Variants in LRRC7 observed in about 807,000 individuals in gnomAD.
LRRC7 encodes the protein leucine rich repeat containing 7.
LRRC7 carries 23 observed loss-of-function variants against 175.7 expected under a neutral mutation model. That is an observed-to-expected ratio of 0.13 (90% confidence interval 0.09 to 0.19). The LOEUF (loss-of-function observed/expected upper bound fraction) is 0.19, where lower values mean the gene tolerates loss of function less well. Among genes scored for constraint, LRRC7 ranks in the 10% least tolerant of loss-of-function variants. The probability of loss-of-function intolerance (pLI) is 1.00; values close to 1 mark genes in which losing one functional copy is unlikely to be tolerated. For missense variants in LRRC7, 1,354 were observed against 1,904.7 expected (o/e 0.71, Z 5.38); for synonymous variants, 685 against 680.9 (o/e 1.01, Z -0.09).
intron 7 of LRRC7, among the ~76,000 whole-genome samples, chr1:69,905,740 C>A (rs1270860362): frequency 6.6e-6 from 1 of 152,140 alleles, no homozygotes; most frequent in East Asian, 1.9e-4. Flanking sequence ...GTCTTTATAG[C>A]AGCATGGTTT....
rs1460052826 is a variant in LRRC7, at chr1:69,752,074, C to A, written c.101-8117C>A. Reference sequence around the variant, plus strand: ...AGTCTGGGAAGTCTTCAAATGTGATCATTTCAAGAGTCAAAATATCAAATA... The same window carrying A: ...AGTCTGGGAAGTCTTCAAATGTGATAATTTCAAGAGTCAAAATATCAAATA... On this transcript the variant is annotated intron_variant, in intron 2 of 26. Transcript: ENST00000651989. Among the ~76,000 whole-genome samples the A allele has an allele frequency of 3.3e-5, 5 of 152,194 alleles. No individual in the cohort carries two copies. The South Asian group carries it at 8.3e-4, about 25-fold the overall frequency.
intron 7 of LRRC7, among the ~76,000 whole-genome samples, chr1:69,863,028 T>C (rs1254615979): frequency 6.6e-6 from 1 of 152,216 alleles, no homozygotes; most frequent in Non-Finnish European, 1.5e-5. Flanking sequence ...TCACTATCTG[T>C]ACTTTTTTCA....
chr1:70,015,317 A>G (rs958831627), intron 13 of LRRC7, among the ~76,000 whole-genome samples: 3 of 151,952 alleles, frequency 2.0e-5, no homozygotes, highest in Admixed American at 6.6e-5. Flanking sequence ...CTCTTTTCAT[A>G]TTTATTAGAT....
intron 1 of LRRC7, among the ~76,000 whole-genome samples, chr1:69,649,578 A>T (rs1655486536): frequency 6.6e-6 from 1 of 152,164 alleles, no homozygotes; most frequent in African/African-American, 2.4e-5. Context: ...GATAATAGAG[A>T]TTAGAAGTAA....
At chr1:69,942,558 G>T (rs890818602) in intron 8 of LRRC7, among the ~76,000 whole-genome samples, 1 of 151,978 alleles carries the variant, frequency 6.6e-6, no homozygotes, top group South Asian at 2.1e-4. Context: ...GGCACTAGAG[G>T]AGAATCCATT....
chr1:69,722,249 C>T (rs536078590), intron 2 of LRRC7, among the ~76,000 whole-genome samples: 1 of 152,046 alleles, frequency 6.6e-6, no homozygotes, highest in Non-Finnish European at 1.5e-5. Flanking sequence ...CATATATGCT[C>T]ACAGAAAAAC....
chr1:70,032,078 T>A (rs1431720617), intron 18 of LRRC7, among the ~76,000 whole-genome samples: 2 of 152,222 alleles, frequency 1.3e-5, no homozygotes, highest in Non-Finnish European at 2.9e-5. Flanking sequence ...ATTACAGGCG[T>A]GAGCCACCGC....
chr1:69,780,489 G>T (rs969251040), intron 3 of LRRC7, among the ~76,000 whole-genome samples: 5 of 152,000 alleles, frequency 3.3e-5, no homozygotes, highest in Non-Finnish European at 5.9e-5. Context: ...AAGGATAGAA[G>T]GGAGGAAGAA....
intron 26 of LRRC7, among the ~76,000 whole-genome samples, chr1:70,114,639 G>A (rs1403155340): frequency 3.9e-5 from 6 of 152,204 alleles, no homozygotes; most frequent in Non-Finnish European, 5.9e-5. Flanking sequence ...AGTGAGCTAT[G>A]ATAGAGCCAT....
chr1:69,958,661 GA>G (rs1437397992), intron 8 of LRRC7, among the ~76,000 whole-genome samples: 2 of 151,968 alleles, frequency 1.3e-5, no homozygotes, highest in Non-Finnish European at 2.9e-5. Context: ...GGACAGGAAG[GA>G]AACACAAATT....
intron 3 of LRRC7, among the ~76,000 whole-genome samples, chr1:69,789,338 A>G (rs1016632710): frequency 2.8e-5 from 4 of 143,560 alleles, no homozygotes; most frequent in Non-Finnish European, 6.1e-5. Flanking sequence ...CTTTAATTCA[A>G]TTCAAGTCTT....
chr1:69,641,660 C>T (rs941303310), intron 1 of LRRC7, among the ~76,000 whole-genome samples: 12 of 151,504 alleles, frequency 7.9e-5, no homozygotes, highest in East Asian at 3.9e-4. Context: ...ACTTGCTTTT[C>T]GGGCAAAAGA....
rs1677373261 is a variant in LRRC7, at chr1:69,808,255, A to T, written c.421+16095A>T. Among the ~76,000 whole-genome samples the T allele has an allele frequency of 2.0e-5, 3 of 151,756 alleles. No homozygotes were observed. In the Admixed American group the frequency reaches 2.0e-4, roughly 10 times the overall value. On this transcript the variant is annotated intron_variant, in intron 4 of 26. Transcript: ENST00000651989. ...CATTAGGTTAATAAAACCCAGATTC[A>T]AAAAGCAAGTTCTTAGAAACCTACA...
chr1:69,692,056 G>T (rs962740560), intron 2 of LRRC7, among the ~76,000 whole-genome samples: 1 of 152,024 alleles, frequency 6.6e-6, no homozygotes, highest in African/African-American at 2.4e-5. Flanking sequence ...GGCAACTATG[G>T]GGTTTTTCAT....
chr1:70,139,881 G>A lies in LRRC7; in HGVS notation c.*17994G>A, dbSNP rs2102287164. 6.6e-6 allele frequency: 1 copy of A among 152,224 alleles called. No homozygotes were observed. Among genetic ancestry groups the A allele is most frequent in the Admixed American group, 6.5e-5 (1 of 15,276 alleles). 9.4% of individuals were successfully genotyped at this position (152,224 alleles called of 1,614,324 possible). On this transcript the variant is annotated 3_prime_UTR_variant, in exon 27 of 27. Transcript: ENST00000651989. ...GGACTCCTACAGTCTGGTTTGATCA[G>A]TTTATTATTAAGTACTGAATGACAG...
intron 2 of LRRC7, among the ~76,000 whole-genome samples, chr1:69,692,607 T>C (rs1457985912): frequency 1.3e-5 from 2 of 152,190 alleles, no homozygotes; most frequent in South Asian, 4.1e-4. Flanking sequence ...CATATTCTAC[T>C]GTCATCTCAA....
intron 11 of LRRC7, among the ~76,000 whole-genome samples, chr1:70,000,555 C>G (rs929865446): frequency 6.6e-6 from 1 of 152,178 alleles, no homozygotes; most frequent in Non-Finnish European, 1.5e-5. Context: ...ATTCAGTAAT[C>G]GTACCACTCT....
rs867571857 is a variant in LRRC7, at chr1:69,886,611, A to G, written c.648-44896A>G. On this transcript the variant is annotated intron_variant, in intron 7 of 26. Transcript: ENST00000651989. ...GTCTTTTAATTGGAGCATTTAGCCC[A>G]TTTACATTTAAAGTTAATATTGTTA... 1.5e-4 allele frequency among the ~76,000 whole-genome samples: 23 copies of G among 149,544 alleles called. No individual in the cohort carries two copies. In the South Asian group the frequency reaches 2.1e-3, roughly 14 times the overall value.
chr1:69,813,896 G>A (rs376871154), intron 4 of LRRC7, among the ~76,000 whole-genome samples: 1 of 151,988 alleles, frequency 6.6e-6, no homozygotes, highest in Non-Finnish European at 1.5e-5. Flanking sequence ...AGAATGTTTG[G>A]AATAAGATAT....
Sources: gnomAD v4.1 joint callset for allele counts (sites outside exome capture counted in the v4.1 genomes callset) on GRCh38, gnomAD v4.1.1 for gene constraint, MANE v1.5 for transcripts, NCBI Gene and HGNC (gene_info 2026-07-23, HGNC 2026-07-21) for gene names.